LMBR1L: variants seen among roughly 807,000 people sequenced by gnomAD.
LMBR1L encodes limb development membrane protein 1 like.
A neutral mutation model predicts 67.3 loss-of-function variants in LMBR1L; 47 were observed. The ratio of observed to expected loss-of-function variants is 0.70; its 90% confidence interval spans 0.55 to 0.89. The LOEUF is 0.89. Ranked by LOEUF, LMBR1L falls within the 40% of genes least tolerant of loss-of-function variation. LMBR1L has a pLI of 0.00. For missense variants in LMBR1L, 533 were observed against 599.2 expected (o/e 0.89, Z 1.15); for synonymous variants, 247 against 250.3 (o/e 0.99, Z 0.13).
chr12:49,101,249 C>A lies in LMBR1L; in HGVS notation c.1082+1G>T, dbSNP rs373970805. On this transcript the variant is annotated splice_donor_variant, in intron 13 of 16. Transcript: ENST00000267102. LOFTEE classifies it high-confidence loss of function. ...GCAATGATGGGTTTCCAGAAGGATA[C>A]AAGATGAGTACAACCTGAATGACGG... The A allele has an allele frequency of 1.9e-6, 3 of 1,614,004 alleles. No homozygotes were observed. The African/African-American group carries it at 4.0e-5, about 22-fold the overall frequency.
intron 16 of LMBR1L, 54 bp from the exon 17 acceptor site, chr12:49,097,793 G>C (rs1939582134): frequency 3.1e-6 from 5 of 1,609,980 alleles, no homozygotes; most frequent in Non-Finnish European, 4.3e-6. Context: ...AGTCCGTTAG[G>C]GACCAGGCAG....
chr12:49,104,645 G>A lies in LMBR1L; in HGVS notation c.332-94C>T, dbSNP rs994221071. ...TGCAGGAGAAGCAGAGTGGGAAGGT[G>A]CGACATATGACTGCTTGGCGCACGG... On this transcript the variant is annotated intron_variant, in intron 4 of 16. Coordinates refer to ENST00000267102, the MANE Select transcript of LMBR1L (RefSeq NM_018113.4). 8 of 1,574,242 alleles carry A rather than the reference G, an allele frequency of 5.1e-6. No homozygotes were observed. In the African/African-American group the frequency reaches 8.1e-5, roughly 16 times the overall value.
At chr12:49,107,070 G>C in intron 1 of LMBR1L, 25 bp from the exon 2 acceptor site, 1 of 1,531,052 alleles carries the variant, frequency 6.5e-7, no homozygotes. Flanking sequence ...GAGCTGGGAT[G>C]AGAAGCTCTA....
rs1940577582 is a variant in LMBR1L, at chr12:49,104,096, C to T, written c.436-283G>A. On this transcript the variant is annotated intron_variant, in intron 5 of 16. Transcript: ENST00000267102. ...AGGTCTGCATCCCACAAGCTCTTTG[C>T]CCTCTGGTTTCGCATCCAACAGGAG... 4 of 482,718 alleles carry T rather than the reference C, an allele frequency of 8.3e-6. No individual in the cohort carries two copies. In the East Asian group the frequency reaches 1.1e-4, roughly 13 times the overall value. 29.9% of individuals were successfully genotyped at this position (482,718 alleles called of 1,614,324 possible).
At chr12:49,108,561 CAAAAAAA>C (rs35533408) in intron 1 of LMBR1L, among the ~76,000 whole-genome samples, 2 of 47,544 alleles carry the variant, frequency 4.2e-5, no homozygotes, top group African/African-American at 9.2e-5. Flanking sequence ...GACTGAGTCT[CAAAAAAA>C]AAAAAAAAAA....
rs1941404081 is a variant in LMBR1L, at chr12:49,110,317, T to C, written c.72+167A>G. 4.5e-6 allele frequency: 3 copies of C among 673,318 alleles called. No individual in the cohort carries two copies. The South Asian group carries it at 4.9e-5, about 11-fold the overall frequency. 41.7% of individuals were successfully genotyped at this position (673,318 alleles called of 1,614,324 possible). On this transcript the variant is annotated intron_variant, in intron 1 of 16. Transcript: ENST00000267102. ...GCTCAGGGACCCAGCTGATCCCATC[T>C]AGGGGATCGCTAGCCGGGCACCCGC...
intron 1 of LMBR1L, chr12:49,110,175 C>G: frequency 1.8e-6 from 1 of 566,352 alleles, no homozygotes. Context: ...AGGCAGACTC[C>G]GCAGGCTCTC....
intron 6 of LMBR1L, among the ~76,000 whole-genome samples, 180 bp from the exon 7 acceptor site, chr12:49,103,339 G>A (rs1592212440): frequency 6.6e-6 from 1 of 152,138 alleles, no homozygotes; most frequent in East Asian, 1.9e-4. Flanking sequence ...GTAAACTGGA[G>A]ATCCTAACCC....
chr12:49,109,917 A>G, intron 1 of LMBR1L: 1 of 405,796 alleles, frequency 2.5e-6, no homozygotes, highest in Non-Finnish European at 4.9e-6. Context: ...ATGAGAAAGA[A>G]AAAAGACGGG....
At chr12:49,098,978 C>CTT (rs757291862) in intron 15 of LMBR1L, among the ~76,000 whole-genome samples, 38 of 138,296 alleles carry the variant, frequency 2.7e-4, no homozygotes, top group African/African-American at 7.9e-4. Flanking sequence ...ATTAAAAACA[C>CTT]TTTTTTTTTT....
rs758046116 is a variant in LMBR1L at position 49,100,596 on chromosome 12, C to T, written c.1133G>A (p.Arg378Gln). Residue 378 changes from arginine to glutamine, a missense_variant, in exon 14 of 17, where the codon CGG (arginine) becomes CAG (glutamine). Around this residue, in one of 3 missense-constraint regions of LMBR1L, gnomAD observed 223 missense variants for 241.2 expected, o/e 0.92. Transcript: ENST00000267102. ...VVGFYSSPLF[R>Q]SLRPRWHDTA... ...GTCGTGCCATCTGGGCCGCAGGCTC[C>T]GGAAGAGTGGAGAGCTATAGAAGCC... 24 of 1,613,972 alleles carry T rather than the reference C, an allele frequency of 1.5e-5. No individual in the cohort carries two copies. Among genetic ancestry groups the T allele is most frequent in the South Asian group, 6.6e-5 (6 of 91,088 alleles).
rs1940372750 is a variant in LMBR1L at position 49,102,781 on chromosome 12, T to C, written c.696+106A>G. 3 of 1,078,270 alleles carry C rather than the reference T, an allele frequency of 2.8e-6. No individual in the cohort carries two copies. In the East Asian group the frequency reaches 7.3e-5, roughly 26 times the overall value. 66.8% of individuals were successfully genotyped at this position (1,078,270 alleles called of 1,614,324 possible). A position where few individuals can be genotyped will look rare whatever the true frequency, so the allele number is the denominator to read the frequency against. On this transcript the variant is annotated intron_variant, in intron 8 of 16. Coordinates refer to ENST00000267102, the MANE Select transcript of LMBR1L (RefSeq NM_018113.4). ...TACAGGAACCAACAAAGGCTGTAGC[T>C]CTCTGCAAGTTGTGTACTACACAAC...
At chr12:49,099,391 C>G (rs1052943471) in intron 15 of LMBR1L, among the ~76,000 whole-genome samples, 2 of 152,004 alleles carry the variant, frequency 1.3e-5, no homozygotes, top group Non-Finnish European at 2.9e-5. Flanking sequence ...TCAAGCTGAT[C>G]TGTCCACCTT....
In LMBR1L at chr12:49,102,215, C is replaced by G; in HGVS notation, c.854-19G>C. ...CTCTTCTCTGTGCAGGGATGGGAGGCTGTCAGCAAGCACCTGGAACCAGGG... is the reference window on the plus strand; with the variant it reads ...CTCTTCTCTGTGCAGGGATGGGAGGGTGTCAGCAAGCACCTGGAACCAGGG... On this transcript the variant is annotated intron_variant, in intron 10 of 16. Transcript: ENST00000267102. The G allele has an allele frequency of 6.2e-7, 1 of 1,614,054 alleles. No individual in the cohort carries two copies. The highest frequency in any genetic ancestry group is 1.1e-5 in the South Asian group (1 of 91,088).
At chr12:49,109,716 G>T (rs1379739420) in intron 1 of LMBR1L, 1 of 456,392 alleles carries the variant, frequency 2.2e-6, no homozygotes, top group Non-Finnish European at 4.4e-6. Flanking sequence ...AGCTCCACTG[G>T]GTACCCCTAC....
rs764519871 is a variant in LMBR1L at position 49,102,336 on chromosome 12, T to C, written c.810A>G (p.Leu270=). The C allele has an allele frequency of 1.2e-6, 2 of 1,614,220 alleles. No individual in the cohort carries two copies. Among genetic ancestry groups the C allele is most frequent in the East Asian group, 4.5e-5 (2 of 44,888 alleles). ...SCWLPLDMEL[L]HRQVLALQTQ... ...TCTGCAGAGCCAGGACCTGTCTGTG[T>C]AGCAGCTCCATGTCTAAAGGCAGCC... Residue 270 remains leucine (L), a synonymous_variant, in exon 10 of 17, where the codon CTA becomes CTG. Transcript: ENST00000267102.
Position 49,097,406 on chromosome 12 carries a change from G to T in LMBR1L, c.*266C>A. 2.0e-6 allele frequency: 1 copy of T among 503,122 alleles called. No homozygotes were observed. Among genetic ancestry groups the T allele is most frequent in the East Asian group, 3.3e-5 (1 of 30,484 alleles). The allele number at this position is 503,122 out of a possible 1,614,324, so 31.2% of individuals were successfully genotyped here. ...GCCCAGAACAGCAGTGAGGCAGATT[G>T]ATGTGTAAACAGATTTGGGATCAGG... On this transcript the variant is annotated 3_prime_UTR_variant, in exon 17 of 17. Coordinates refer to ENST00000267102, the MANE Select transcript of LMBR1L (RefSeq NM_018113.4).
intron 5 of LMBR1L, 87 bp from the exon 6 acceptor site, chr12:49,103,900 A>G (rs1447805096): frequency 7.0e-7 from 1 of 1,430,410 alleles, no homozygotes; most frequent in Non-Finnish European, 9.5e-7. Context: ...AGGAACCAGA[A>G]AGGTTTGGAT....
intron 5 of LMBR1L, 54 bp from the exon 6 acceptor site, chr12:49,103,867 A>C: frequency 6.5e-7 from 1 of 1,539,562 alleles, no homozygotes; most frequent in Non-Finnish European, 8.8e-7. Flanking sequence ...GTGTGGGAAC[A>C]TTGGAGATGG....
Sources: gnomAD v4.1 joint callset for allele counts (sites outside exome capture counted in the v4.1 genomes callset) on GRCh38, gnomAD v4.1.1 for gene constraint, gnomAD v4.1.1 regional missense constraint, MANE v1.5 for transcripts, NCBI Gene and HGNC (gene_info 2026-07-23, HGNC 2026-07-21) for gene names.